WDR25: variants seen among roughly 807,000 people sequenced by gnomAD.
WDR25 encodes WD repeat-containing protein 25.
A neutral mutation model predicts 47.7 loss-of-function variants in WDR25; 35 were observed. That is an observed-to-expected ratio of 0.73 (90% CI 0.56 to 0.97). The LOEUF (loss-of-function observed/expected upper bound fraction) is 0.97. WDR25 is among the 50% of genes least tolerant of loss of function. WDR25 has a pLI of 0.00. For missense variants in WDR25, 634 were observed against 704.7 expected, an observed-to-expected ratio of 0.90 and a Z score of 1.14; for synonymous variants, 248 against 278.9, an observed-to-expected ratio of 0.89 and a Z score of 1.10.
chr14:100,456,971 T>C (rs144698174), intron 2 of WDR25, among the ~76,000 whole-genome samples: 4 of 151,850 alleles, frequency 2.6e-5, no homozygotes, highest in Non-Finnish European at 4.4e-5. Flanking sequence ...CTTTTCTTTT[T>C]TTTTGAGACG....
Position 100,521,566 on chromosome 14 carries a change from C to T in WDR25, c.1102-4304C>T, listed in dbSNP as rs114459987. ...TCACTGAACAATGTGTCCTGGAGAT[C>T]GCTTCATAGCAGGATAGGTTCCTCA... On this transcript the variant is annotated intron_variant, in intron 4 of 6. Coordinates refer to ENST00000402312, the MANE Select transcript of WDR25 (RefSeq NM_001161476.3). Among the ~76,000 whole-genome samples, 1,497 of 152,260 alleles carry T rather than the reference C, an allele frequency of 9.8e-3. 18 individuals carry two copies. The highest frequency in any genetic ancestry group is 0.034 in the African/African-American group (1,406 of 41,540).
chr14:100,511,319 C>T (rs1901302827), intron 4 of WDR25, among the ~76,000 whole-genome samples: 2 of 152,166 alleles, frequency 1.3e-5, no homozygotes, highest in Non-Finnish European at 2.9e-5. Flanking sequence ...ATTTCAGCTT[C>T]TGGTTGCTCA....
chr14:100,463,379 C>T (rs1452204839), intron 2 of WDR25, among the ~76,000 whole-genome samples: 2 of 152,208 alleles, frequency 1.3e-5, no homozygotes, highest in Non-Finnish European at 2.9e-5. Context: ...TGGTGACCAG[C>T]CTCTTTGTCA....
chr14:100,419,610 G>A (rs965428524), intron 2 of WDR25, among the ~76,000 whole-genome samples: 1 of 152,118 alleles, frequency 6.6e-6, no homozygotes, highest in Non-Finnish European at 1.5e-5. Flanking sequence ...TTTTCATTTA[G>A]AAAGCCGAGG....
chr14:100,393,172 T>C (rs1199188978), intron 2 of WDR25, among the ~76,000 whole-genome samples: 1 of 152,270 alleles, frequency 6.6e-6, no homozygotes, highest in Non-Finnish European at 1.5e-5. Context: ...TTTGAATACA[T>C]GCTAGCATTA....
chr14:100,521,952 T>A (rs1382528014), intron 4 of WDR25, among the ~76,000 whole-genome samples: 1 of 152,248 alleles, frequency 6.6e-6, no homozygotes, highest in Non-Finnish European at 1.5e-5. Context: ...TTTGGGATTT[T>A]GTTAATTTGA....
intron 4 of WDR25, among the ~76,000 whole-genome samples, chr14:100,515,601 A>T (rs547878196): frequency 6.6e-6 from 1 of 152,194 alleles, no homozygotes; most frequent in African/African-American, 2.4e-5. Flanking sequence ...GTATATAGTC[A>T]TAACTGATTT....
intron 2 of WDR25, among the ~76,000 whole-genome samples, chr14:100,390,674 C>T (rs1897124389): frequency 6.6e-6 from 1 of 152,170 alleles, no homozygotes; most frequent in Non-Finnish European, 1.5e-5. Context: ...GCAGACTGCA[C>T]TCTCCATCCT....
At chr14:100,519,773 A>T (rs1901642004) in intron 4 of WDR25, among the ~76,000 whole-genome samples, 1 of 139,582 alleles carries the variant, frequency 7.2e-6, no homozygotes, top group African/African-American at 2.7e-5. Flanking sequence ...TATAGTATAT[A>T]TATAGTATAT....
At chr14:100,376,929 G>A in intron 1 of WDR25, 1 of 275,486 alleles carries the variant, frequency 3.6e-6, no homozygotes, top group Non-Finnish European at 6.0e-6. Flanking sequence ...ATTGAATAGT[G>A]AACAAAACAC....
In WDR25 at chr14:100,425,351, C is replaced by T. The variant is rs1898137518; in HGVS notation, c.823-42670C>T. On this transcript the variant is annotated intron_variant, in intron 2 of 6. Coordinates refer to ENST00000402312, the MANE Select transcript of WDR25 (RefSeq NM_001161476.3). The surrounding 1 kb of genome is among the most constrained non-coding windows in gnomAD (Gnocchi z 4.8). ...ATTCCAGTGCCCAGCACAGGGGTGG[C>T]ACACACCCAGGAGTAGCTGTTGGGT... 6.6e-6 allele frequency among the ~76,000 whole-genome samples: 1 copy of T among 152,240 alleles called. No homozygotes were observed. Among genetic ancestry groups the T allele is most frequent in the African/African-American group, 2.4e-5 (1 of 41,466 alleles).
rs1897465365 is a variant in WDR25 at position 100,404,189 on chromosome 14, TGGCATGCCCCAACCTGCG to T, written c.822+22444_822+22461del. 6.6e-6 allele frequency among the ~76,000 whole-genome samples: 1 copy of T among 152,210 alleles called. No individual in the cohort carries two copies. The highest frequency in any genetic ancestry group is 1.5e-5 in the Non-Finnish European group (1 of 68,046). Reference sequence around the variant, plus strand: ...CCCCCTGAAACCTCTGAGGTGCCGATGGCATGCCCCAACCTGCGTCCAAGGACCTGGGGCTGAGAGGGC... The same window carrying T: ...CCCCCTGAAACCTCTGAGGTGCCGATTCCAAGGACCTGGGGCTGAGAGGGC... On this transcript the variant is annotated intron_variant, in intron 2 of 6. Transcript: ENST00000402312. This position sits in a 1 kb window ranked among gnomAD's most constrained non-coding sequence, Gnocchi z 4.6.
At position 100,381,258 on chromosome 14, in the gene WDR25, C is replaced by T; in HGVS notation, c.334C>T (p.Pro112Ser). The change falls in exon 2 of 7, where the codon CCT becomes TCT. Residue 112 changes from proline to serine, a missense_variant. Physicochemically the swap from Pro to Ser is moderately conservative, Grantham distance 74. Transcript: ENST00000402312. ...EPQVTFPIKE[P>S]SCSSLWTSHV... The stretch of plus-strand genomic sequence containing the variant: ...TCAAGTCACCTTCCCCATCAAAGAG[C>T]CTTCTTGTTCTTCTCTGTGGACGAG... The T allele has an allele frequency of 6.2e-7, 1 of 1,614,104 alleles. No homozygotes were observed. Among genetic ancestry groups the T allele is most frequent in the Middle Eastern group, 1.6e-4 (1 of 6,062 alleles).
chr14:100,459,178 A>T (rs1056678630), intron 2 of WDR25, among the ~76,000 whole-genome samples: 1 of 152,204 alleles, frequency 6.6e-6, no homozygotes, highest in African/African-American at 2.4e-5. Context: ...TAATATTAGG[A>T]ATGAGAGAAG....
At chr14:100,510,760 A>C (rs1483948652) in intron 4 of WDR25, among the ~76,000 whole-genome samples, 1 of 149,314 alleles carries the variant, frequency 6.7e-6, no homozygotes, top group Non-Finnish European at 1.5e-5. Flanking sequence ...AATAATAATA[A>C]TAATGTAAAT....
rs527700734 is a variant in WDR25 at position 100,529,230 on chromosome 14, A to G, written c.1413+22A>G. ...CAAGGTACTTCTGTCCTTGTCCCCC[A>G]GGCGAATGCTGAGCCCCAGCCCCAA... On this transcript the variant is annotated intron_variant, in intron 6 of 6. Coordinates refer to ENST00000402312, the MANE Select transcript of WDR25 (RefSeq NM_001161476.3). This position sits in a 1 kb window ranked among gnomAD's most constrained non-coding sequence, Gnocchi z 5.1. 4.3e-5 allele frequency: 70 copies of G among 1,612,428 alleles called. No individual in the cohort carries two copies. The South Asian group carries it at 6.9e-4, about 16-fold the overall frequency.
intron 3 of WDR25, among the ~76,000 whole-genome samples, chr14:100,478,198 G>T (rs1310466451): frequency 1.3e-5 from 2 of 152,226 alleles, no homozygotes; most frequent in South Asian, 4.1e-4. Context: ...GTTTAATTTT[G>T]TAAACTATAA....
chr14:100,448,538 C>T (rs1898916136), intron 2 of WDR25, among the ~76,000 whole-genome samples: 1 of 152,134 alleles, frequency 6.6e-6, no homozygotes, highest in Admixed American at 6.5e-5. Context: ...TTCCTTCCTA[C>T]TGGGAGCCCT....
At chr14:100,486,187 T>G (rs1010250710) in intron 4 of WDR25, among the ~76,000 whole-genome samples, 1 of 152,170 alleles carries the variant, frequency 6.6e-6, no homozygotes, top group African/African-American at 2.4e-5. Context: ...ACCCAGCCAC[T>G]CCTGACAACC....
Sources: gnomAD v4.1 joint callset for allele counts (sites outside exome capture counted in the v4.1 genomes callset) on GRCh38, gnomAD v4.1.1 for gene constraint, Gnocchi (gnomAD v3.1) non-coding constraint, MANE v1.5 for transcripts, NCBI Gene and HGNC (gene_info 2026-07-23, HGNC 2026-07-21) for gene names.